Variants in NDUFA2 observed in about 807,000 individuals in gnomAD.
NDUFA2 encodes NADH dehydrogenase [ubiquinone] 1 alpha subcomplex subunit 2.
NDUFA2 carries 9 observed loss-of-function variants against 11.4 expected under a neutral mutation model. The ratio of observed to expected loss-of-function variants is 0.79; its 90% CI spans 0.48 to 1.38. NDUFA2 has a LOEUF of 1.38. Among genes scored for constraint, NDUFA2 ranks in the 40% most tolerant of loss-of-function variants. The pLI, the probability that NDUFA2 is intolerant of heterozygous loss-of-function variation, is 0.00. For missense variants in NDUFA2, 150 were observed against 131.2 expected (o/e 1.14, Z -0.70); for synonymous variants, 49 against 54.0 (o/e 0.91, Z 0.41).
At chr5:140,647,054 C>T (rs761979604) in intron 2 of NDUFA2, 21 of 607,874 alleles carry the variant, frequency 3.5e-5, no homozygotes, top group Non-Finnish European at 5.4e-5. Context: ...TTCGGTCAGC[C>T]TGCATACTTA....
At chr5:140,646,315 A>G (rs1422172833) in intron 2 of NDUFA2, among the ~76,000 whole-genome samples, 1 of 152,116 alleles carries the variant, frequency 6.6e-6, no homozygotes, top group Non-Finnish European at 1.5e-5. Context: ...CCAGCTGGGT[A>G]CCCATTCTCT....
Position 140,645,649 on chromosome 5 carries a change from T to C in NDUFA2, c.238A>G (p.Asn80Asp). Residue 80 changes from asparagine to aspartate, a missense_variant, in exon 3 of 3, where the codon AAC becomes GAC. Coordinates refer to ENST00000252102, the MANE Select transcript of NDUFA2 (RefSeq NM_002488.5). ...AFGQETNVPLNNFSADQVTRA... is the reference protein window; with the variant it reads ...AFGQETNVPLDNFSADQVTRA... ...GTTACCTGATCAGCACTGAAGTTGT[T>C]CAAAGGGACATTCGTCTCTTGGCCA... 6.2e-7 allele frequency: 1 copy of C among 1,614,190 alleles called. No individual in the cohort carries two copies. The highest frequency in any genetic ancestry group is 1.1e-5 in the South Asian group (1 of 91,086).
rs1757344786 is a variant in NDUFA2, at chr5:140,645,550, G to C, written c.*37C>G. The stretch of plus-strand genomic sequence containing the variant: ...TTATACTAAGTCCAGCAGAGCCCAG[G>C]CTCTGGGGCTGTTGCTCTTAATCCT... On this transcript the variant is annotated 3_prime_UTR_variant, in exon 3 of 3. Coordinates refer to ENST00000252102, the MANE Select transcript of NDUFA2 (RefSeq NM_002488.5). 2.5e-6 allele frequency: 4 copies of C among 1,612,982 alleles called. No individual in the cohort carries two copies. Among genetic ancestry groups the C allele is most frequent in the Non-Finnish European group, 3.4e-6 (4 of 1,179,236 alleles).
At chr5:140,646,059 G>C (rs183371825) in intron 2 of NDUFA2, among the ~76,000 whole-genome samples, 288 of 148,326 alleles carry the variant, frequency 1.9e-3, no homozygotes, top group Non-Finnish European at 3.5e-3. Flanking sequence ...CACCCAGGCT[G>C]GAGTGTGGTG....
At chr5:140,646,648 A>G (rs1255872574) in intron 2 of NDUFA2, among the ~76,000 whole-genome samples, 2 of 152,094 alleles carry the variant, frequency 1.3e-5, no homozygotes, top group Non-Finnish European at 2.9e-5. Flanking sequence ...GGAAAATTTC[A>G]TTTTGCAATA....
chr5:140,646,915 A>G, intron 2 of NDUFA2: 1 of 216,554 alleles, frequency 4.6e-6, no homozygotes, highest in Non-Finnish European at 9.3e-6. Flanking sequence ...AAAATTACTG[A>G]GATTCTCACA....
intron 2 of NDUFA2, among the ~76,000 whole-genome samples, chr5:140,646,887 G>C (rs947661587): frequency 6.6e-6 from 1 of 152,180 alleles, no homozygotes; most frequent in Non-Finnish European, 1.5e-5. Flanking sequence ...ACTCAGCACA[G>C]GGCCCAGCTC....
chr5:140,646,996 A>C (rs1757440662), intron 2 of NDUFA2: 1 of 430,408 alleles, frequency 2.3e-6, no homozygotes, highest in Admixed American at 4.1e-5. Context: ...TCCTGTCTGA[A>C]GCCCATTCTT....
At chr5:140,645,934 T>C (rs1184783875) in intron 2 of NDUFA2, among the ~76,000 whole-genome samples, 2 of 152,070 alleles carry the variant, frequency 1.3e-5, no homozygotes, top group Non-Finnish European at 2.9e-5. Context: ...TCGGGGGCAC[T>C]GTAGGCATTT....
rs530544168 is a variant in NDUFA2, at chr5:140,647,189, G to C, written c.208+67C>G. 30 of 1,476,390 alleles carry C rather than the reference G, an allele frequency of 2.0e-5. No homozygotes were observed. The African/African-American group carries it at 4.1e-4, about 20-fold the overall frequency. The allele number at this position is 1,476,390 out of a possible 1,614,324, so 91.5% of individuals were successfully genotyped here. A position where few individuals can be genotyped will look rare whatever the true frequency, so the allele number is the denominator to read the frequency against. ...CACGGGTTTCTGCACGACCTTGGGC[G>C]GTCCCTTCTCTTCTCAAACCCTTGT... is the stretch of plus-strand genomic sequence containing the variant. On this transcript the variant is annotated intron_variant, in intron 2 of 2. Transcript: ENST00000252102.
intron 1 of NDUFA2, 34 bp from the exon 2 acceptor site, chr5:140,647,396 G>A: frequency 6.2e-7 from 1 of 1,611,194 alleles, no homozygotes; most frequent in East Asian, 2.2e-5. Context: ...CGCGTGCTGT[G>A]GGCGGGGGCT....
At position 140,645,370 on chromosome 5, in the gene NDUFA2, T is replaced by G; in HGVS notation, c.*217A>C. 1.3e-6 allele frequency: 1 copy of G among 780,780 alleles called. No individual in the cohort carries two copies. The highest frequency in any genetic ancestry group is 2.2e-6 in the Non-Finnish European group (1 of 459,888). The allele number at this position is 780,780 out of a possible 1,614,324, so 48.4% of individuals were successfully genotyped here. The stretch of plus-strand genomic sequence containing the variant: ...GTTTGCTTCAGCAGCTGGTAGCTTT[T>G]GATGAGACAGAATAAAGTTTTATTT... On this transcript the variant is annotated 3_prime_UTR_variant, in exon 3 of 3. Coordinates refer to ENST00000252102, the MANE Select transcript of NDUFA2 (RefSeq NM_002488.5).
Position 140,647,274 on chromosome 5 carries a change from T to C in NDUFA2, c.190A>G (p.Lys64Glu), listed in dbSNP as rs761778714. Residue 64 changes from lysine to glutamate, a missense_variant, in exon 2 of 3, where the codon AAG (lysine) becomes GAG (glutamate). By Grantham distance (56) the Lys-to-Glu change is moderately conservative. Transcript: ENST00000252102. ...LIRECSDVQP[K>E]LWARYAFGQE... Reference sequence around the variant, plus strand: ...CACTCACCGTAGCGGGCCCAGAGCTTGGGCTGCACATCGGAGCATTCGCGG... The same window carrying C: ...CACTCACCGTAGCGGGCCCAGAGCTCGGGCTGCACATCGGAGCATTCGCGG... The C allele has an allele frequency of 1.3e-6, 2 of 1,558,646 alleles. No individual in the cohort carries two copies. Among genetic ancestry groups the C allele is most frequent in the Admixed American group, 3.7e-5 (2 of 53,984 alleles).
rs777120962 is a variant in NDUFA2 at position 140,647,526 on chromosome 5, G to C, written c.58C>G (p.Arg20Gly). ...GGCGAGCGCTGACATAAGTGGATGC[G>C]AATCTCACGCAGGCCCAGCTTTGCC... ...VGAKLGLREI[R>G]IHLCQRSPGS... The change falls in exon 1 of 3, where the codon CGC (arginine) becomes GGC (glycine). Residue 20 changes from arginine to glycine, a missense_variant. Transcript: ENST00000252102. 1.9e-6 allele frequency: 3 copies of C among 1,612,470 alleles called. No individual in the cohort carries two copies. The Admixed American group carries it at 5.0e-5, about 27-fold the overall frequency.
At chr5:140,647,403 G>T (rs1379142852) in intron 1 of NDUFA2, 41 bp from the exon 2 acceptor site, 1 of 1,611,126 alleles carries the variant, frequency 6.2e-7, no homozygotes, top group Non-Finnish European at 8.5e-7. Context: ...TGTGGGCGGG[G>T]GCTTCCCTCA....
chr5:140,645,714 G>C, intron 2 of NDUFA2, 36 bp from the exon 3 acceptor site: 1 of 1,614,002 alleles, frequency 6.2e-7, no homozygotes, highest in Non-Finnish European at 8.5e-7. Flanking sequence ...TAACTATTCT[G>C]CACCCTGGAG....
chr5:140,646,308 G>C (rs1463285455), intron 2 of NDUFA2, among the ~76,000 whole-genome samples: 1 of 152,176 alleles, frequency 6.6e-6, no homozygotes, highest in African/African-American at 2.4e-5. Context: ...ACCGCACCCA[G>C]CTGGGTACCC....
intron 2 of NDUFA2, among the ~76,000 whole-genome samples, chr5:140,646,193 T>TA (rs1173176112): frequency 6.6e-6 from 1 of 152,052 alleles, no homozygotes; most frequent in African/African-American, 2.4e-5. Context: ...GTATGTTTAG[T>TA]AGAGACGGGG....
rs1757481017 is a variant in NDUFA2 at position 140,647,576 on chromosome 5, G to A, written c.8C>T (p.Ala3Val). 2 of 1,610,172 alleles carry A rather than the reference G, an allele frequency of 1.2e-6. No individual in the cohort carries two copies. Among genetic ancestry groups the A allele is most frequent in the South Asian group, 1.1e-5 (1 of 91,040 alleles). Reference protein sequence around the residue: MAAAAASRGVGAK... With the variant: MAVAAASRGVGAK... ...CCCGACTCCTCGACTTGCTGCGGCC[G>A]CCGCCATCCTTGTTAATATCGAAGT... is the stretch of plus-strand genomic sequence containing the variant. The change falls in exon 1 of 3, where the codon GCG (alanine) becomes GTG (valine). Residue 3 changes from alanine (A) to valine (V), a missense_variant. By Grantham distance (64) the Ala-to-Val change is moderately conservative. Transcript: ENST00000252102.
Sources: gnomAD v4.1 joint callset for allele counts (sites outside exome capture counted in the v4.1 genomes callset) on GRCh38, gnomAD v4.1.1 for gene constraint, MANE v1.5 for transcripts, NCBI Gene and HGNC (gene_info 2026-07-23, HGNC 2026-07-21) for gene names.